The following POU2F3 variants were observed in gnomAD, a reference collection of about 807,000 sequenced individuals.
POU2F3 encodes POU class 2 homeobox 3, also known as POU domain, class 2, transcription factor 3.
In POU2F3, 23 loss-of-function variants were observed where a neutral mutation model predicts 59.2. The observed-to-expected ratio is 0.39, with a 90% CI of 0.28 to 0.55. The LOEUF (loss-of-function observed/expected upper bound fraction) is 0.55, where lower values mean the gene tolerates loss of function less well. Ranked by LOEUF, POU2F3 falls within the 20% of genes least tolerant of loss-of-function variation. POU2F3 has a pLI of 0.66. For missense variants in POU2F3, 473 were observed against 544.5 expected, an observed-to-expected ratio of 0.87 and a Z score of 1.31; for synonymous variants, 190 against 214.6, an observed-to-expected ratio of 0.89 and a Z score of 1.00.
At chr11:120,278,130 G>C (rs1940410423) in intron 3 of POU2F3, among the ~76,000 whole-genome samples, 1 of 152,134 alleles carries the variant, frequency 6.6e-6, no homozygotes, top group Non-Finnish European at 1.5e-5. Context: ...AAGATACTTT[G>C]TGTTCACATA....
At chr11:120,243,983 G>T (rs1326052355) in intron 1 of POU2F3, among the ~76,000 whole-genome samples, 3 of 152,236 alleles carry the variant, frequency 2.0e-5, no homozygotes, top group Non-Finnish European at 4.4e-5. Flanking sequence ...GAGCTTCTGT[G>T]TGTATTTGAT....
intron 2 of POU2F3, among the ~76,000 whole-genome samples, chr11:120,258,571 G>T (rs1832506229): frequency 6.6e-6 from 1 of 152,130 alleles, no homozygotes; most frequent in East Asian, 1.9e-4. Context: ...CGTCTGGGTG[G>T]GGCGTTTCTC....
Position 120,252,721 on chromosome 11 carries a change from C to T in POU2F3, c.97+6204C>T, listed in dbSNP as rs566114292. 4.6e-5 allele frequency among the ~76,000 whole-genome samples: 7 copies of T among 152,300 alleles called. No individual in the cohort carries two copies. In the South Asian group the frequency reaches 8.3e-4, roughly 18 times the overall value. ...AGCAGCCACAGCAGCAGCTCACATC[C>T]GTACCATGACTTACAACTACAGATA... On this transcript the variant is annotated intron_variant, in intron 2 of 12. Coordinates refer to ENST00000543440, the MANE Select transcript of POU2F3 (RefSeq NM_014352.4).
At position 120,302,347 on chromosome 11, in the gene POU2F3, T is replaced by A. The variant is rs756679353; in HGVS notation, c.423T>A (p.Thr141=). The A allele has an allele frequency of 1.9e-6, 3 of 1,611,398 alleles. No homozygotes were observed. In the African/African-American group the frequency reaches 4.0e-5, roughly 22 times the overall value. The change falls in exon 6 of 13, where the codon ACT becomes ACA. Residue 141 remains threonine, a synonymous_variant. Transcript: ENST00000543440. ...QQQSGLLLPQ[T]GPGLASQAFG... Reference sequence around the variant, plus strand: ...AAAGCGGTCTCCTCCTCCCACAGACTGGGCCGGGACTGGCATCCCAGGTAA... The same window carrying A: ...AAAGCGGTCTCCTCCTCCCACAGACAGGGCCGGGACTGGCATCCCAGGTAA...
In POU2F3 at chr11:120,317,212, C is replaced by T. The variant is rs1428527248; in HGVS notation, c.1136-17C>T. The T allele has an allele frequency of 3.7e-6, 6 of 1,613,336 alleles. No homozygotes were observed. The South Asian group carries it at 5.5e-5, about 15-fold the overall frequency. On this transcript the variant is annotated splice_polypyrimidine_tract_variant and intron_variant, in intron 11 of 12. Coordinates refer to ENST00000543440, the MANE Select transcript of POU2F3 (RefSeq NM_014352.4). ...CAGCATTATTTCCCCCTTGTTTTTG[C>T]CTCTCCTTATCCTCAGTAACGTCAT...
At chr11:120,269,540 C>A (rs1185033148) in intron 3 of POU2F3, among the ~76,000 whole-genome samples, 3 of 152,164 alleles carry the variant, frequency 2.0e-5, no homozygotes, top group Non-Finnish European at 2.9e-5. Context: ...CCTGTCAATG[C>A]TTAGCCTGAG....
rs749699920 is a variant in POU2F3 at position 120,302,351 on chromosome 11, C to A, written c.427C>A (p.Pro143Thr). Residue 143 changes from proline (P) to threonine (T), a missense_variant, in exon 6 of 13, where the codon CCG (proline) becomes ACG (threonine). Physicochemically the swap from Pro to Thr is conservative, Grantham distance 38. Coordinates refer to ENST00000543440, the MANE Select transcript of POU2F3 (RefSeq NM_014352.4). ...CGGTCTCCTCCTCCCACAGACTGGG[C>A]CGGGACTGGCATCCCAGGTAAACAA... Reference protein sequence around the residue: ...QSGLLLPQTGPGLASQAFGHP... With the variant: ...QSGLLLPQTGTGLASQAFGHP... 3.7e-6 allele frequency: 6 copies of A among 1,609,392 alleles called. No individual in the cohort carries two copies. In the South Asian group the frequency reaches 6.6e-5, roughly 18 times the overall value.
Position 120,285,667 on chromosome 11 carries a change from A to G in POU2F3, c.133-12598A>G, listed in dbSNP as rs1369961530. On this transcript the variant is annotated intron_variant, in intron 3 of 12. Transcript: ENST00000543440. The surrounding 1 kb of genome is among the most constrained non-coding windows in gnomAD (Gnocchi z 4.3). ...CAGAGGTAACTCCTTTTATCAGGGT[A>G]GCGTATATATGTCTGGAAGACTTTT... is the stretch of plus-strand genomic sequence containing the variant. Among the ~76,000 whole-genome samples the G allele has an allele frequency of 6.6e-6, 1 of 152,236 alleles. No homozygotes were observed. The highest frequency in any genetic ancestry group is 2.4e-5 in the African/African-American group (1 of 41,474).
At chr11:120,314,856 C>T (rs1353059257) in intron 10 of POU2F3, among the ~76,000 whole-genome samples, 2 of 152,204 alleles carry the variant, frequency 1.3e-5, no homozygotes. Flanking sequence ...CTCCAGTCAC[C>T]TCTGGAGAGT....
At chr11:120,299,346 G>A (rs1941279434) in intron 4 of POU2F3, among the ~76,000 whole-genome samples, 1 of 152,240 alleles carries the variant, frequency 6.6e-6, no homozygotes, top group South Asian at 2.1e-4. Flanking sequence ...CTAGTTGGGA[G>A]ACAGGACTGA....
At chr11:120,280,614 CAGAGAGAGAGAGAGAAAAAG>C (rs933295701) in intron 3 of POU2F3, among the ~76,000 whole-genome samples, 1 of 148,622 alleles carries the variant, frequency 6.7e-6, no homozygotes, top group African/African-American at 2.5e-5. Flanking sequence ...AGAGGACAGA[CAGAGAGAGAGAGAGAAAAAG>C]AGAGAGAGAG....
At chr11:120,283,118 C>A (rs534250747) in intron 3 of POU2F3, among the ~76,000 whole-genome samples, 1 of 152,266 alleles carries the variant, frequency 6.6e-6, no homozygotes, top group Non-Finnish European at 1.5e-5. Flanking sequence ...GCTAACCACT[C>A]TGTCTGGGAG....
intron 3 of POU2F3, among the ~76,000 whole-genome samples, chr11:120,274,878 G>A (rs1379371700): frequency 2.0e-5 from 3 of 152,192 alleles, no homozygotes; most frequent in Admixed American, 6.5e-5. Context: ...AGGGACAGGA[G>A]GGGAGCCATG....
In POU2F3 at chr11:120,240,162, C is replaced by CCGGGCCG; in HGVS notation, c.-182_-181insCGGGCCG. 7 of 1,210,040 alleles carry CCGGGCCG rather than the reference C, an allele frequency of 5.8e-6. No individual in the cohort carries two copies. The highest frequency in any genetic ancestry group is 7.2e-6 in the Non-Finnish European group (7 of 969,340). The allele number at this position is 1,210,040 out of a possible 1,614,324, so 75.0% of individuals were successfully genotyped here. ...GGGAGTGTGGCAATCCTGGCGGCGC[C>CCGGGCCG]GAGTGTTGCCCGGGCCGGAGCAGCG... On this transcript the variant is annotated 5_prime_UTR_variant, in exon 1 of 13. Coordinates refer to ENST00000543440, the MANE Select transcript of POU2F3 (RefSeq NM_014352.4).
At chr11:120,309,796 GA>G (rs1222121705) in intron 10 of POU2F3, among the ~76,000 whole-genome samples, 2 of 152,240 alleles carry the variant, frequency 1.3e-5, no homozygotes, top group East Asian at 3.8e-4. Flanking sequence ...GGACCTCCCT[GA>G]AAAGGGTGTG....
rs368181676 is a variant in POU2F3, at chr11:120,312,897, G to A, written c.1069-2464G>A. 2.2e-4 allele frequency among the ~76,000 whole-genome samples: 34 copies of A among 152,296 alleles called. No homozygotes were observed. The South Asian group carries it at 6.0e-3, about 27-fold the overall frequency. ...ATTAACAGGGAAAGTGTTTGAGTTG[G>A]GGGGTGCAGAGAGGTGTGAGGGCAG... On this transcript the variant is annotated intron_variant, in intron 10 of 12. Coordinates refer to ENST00000543440, the MANE Select transcript of POU2F3 (RefSeq NM_014352.4).
At chr11:120,246,557 G>T in intron 2 of POU2F3, 40 bp downstream of exon 2, 3 of 1,596,948 alleles carry the variant, frequency 1.9e-6, no homozygotes, top group Non-Finnish European at 2.6e-6. Context: ...GGGGTGGGGG[G>T]AAGAGAGTTG....
intron 3 of POU2F3, among the ~76,000 whole-genome samples, chr11:120,296,717 G>T (rs908737068): frequency 3.9e-5 from 6 of 152,174 alleles, no homozygotes; most frequent in African/African-American, 1.4e-4. Context: ...TTCCCATACA[G>T]GACATTATCT....
rs567799710 is a variant in POU2F3 at position 120,315,162 on chromosome 11, A to C, written c.1069-199A>C. 9.5e-4 allele frequency among the ~76,000 whole-genome samples: 144 copies of C among 152,240 alleles called. 1 individual carries two copies. The highest frequency in any genetic ancestry group is 1.9e-3 in the Non-Finnish European group (129 of 68,036). ...GTTGACACCAGGGAACTTCCGGGGC[A>C]GACTGGACCTGGTTCTGGATGCCAG... On this transcript the variant is annotated intron_variant, in intron 10 of 12. Transcript: ENST00000543440.
Sources: gnomAD v4.1 joint callset for allele counts (sites outside exome capture counted in the v4.1 genomes callset) on GRCh38, gnomAD v4.1.1 for gene constraint, Gnocchi (gnomAD v3.1) non-coding constraint, MANE v1.5 for transcripts, NCBI Gene and HGNC (gene_info 2026-07-23, HGNC 2026-07-21) for gene names.